KIAA1217: variants seen among roughly 807,000 people sequenced by gnomAD.
KIAA1217 encodes KIAA1217.
Under a neutral mutation model 163.9 loss-of-function variants are expected in KIAA1217, and 88 were observed. The observed-to-expected ratio is 0.54, with a 90% CI of 0.45 to 0.64. The LOEUF (loss-of-function observed/expected upper bound fraction) is 0.64, where lower values mean the gene tolerates loss of function less well. KIAA1217 is among the 30% of genes least tolerant of loss of function. The probability of loss-of-function intolerance (pLI) is 0.00; values close to 1 mark genes in which losing one functional copy is unlikely to be tolerated. For missense variants in KIAA1217, 2,372 were observed against 2,475.0 expected (o/e 0.96, Z 0.88); for synonymous variants, 903 against 923.1 (o/e 0.98, Z 0.39).
At chr10:23,715,352 A>G (rs1167441044) in intron 1 of KIAA1217, among the ~76,000 whole-genome samples, 3 of 152,212 alleles carry the variant, frequency 2.0e-5, no homozygotes, top group African/African-American at 7.2e-5. Flanking sequence ...TGTTAAGCCA[A>G]TGAAGGAAGT....
chr10:24,546,114 C>T lies in KIAA1217; in HGVS notation c.5622C>T (p.His1874=). The change falls in exon 21 of 21, where the codon CAC becomes CAT. Residue 1874 remains histidine, a synonymous_variant. Coordinates refer to ENST00000376454, the MANE Select transcript of KIAA1217 (RefSeq NM_019590.5). ...GCCTCACTCATACAGGTAAAGGTCA[C>T]CATCTTTCATTCTCACCGCAGAGTC... ...FQSLTHTGKG[H]HLSFSPQSQN... 6.2e-7 allele frequency: 1 copy of T among 1,614,212 alleles called. No individual in the cohort carries two copies. Among genetic ancestry groups the T allele is most frequent in the East Asian group, 2.2e-5 (1 of 44,882 alleles).
At chr10:23,949,328 G>C (rs964384691) in intron 1 of KIAA1217, among the ~76,000 whole-genome samples, 1 of 152,140 alleles carries the variant, frequency 6.6e-6, no homozygotes, top group African/African-American at 2.4e-5. Context: ...ATGAGATTTT[G>C]TAAGCCTGAT....
intron 2 of KIAA1217, among the ~76,000 whole-genome samples, chr10:24,098,897 T>C (rs1248456931): frequency 6.6e-6 from 1 of 152,092 alleles, no homozygotes; most frequent in African/African-American, 2.4e-5. Flanking sequence ...GACAGAAAGA[T>C]CGCTTGAGAC....
At chr10:24,423,736 G>C (rs116030978) in intron 3 of KIAA1217, among the ~76,000 whole-genome samples, 1 of 152,110 alleles carries the variant, frequency 6.6e-6, no homozygotes, top group Non-Finnish European at 1.5e-5. Context: ...GGGTTTCACC[G>C]TGTTGCCCAG....
intron 1 of KIAA1217, among the ~76,000 whole-genome samples, chr10:23,867,255 G>A (rs1020808922): frequency 2.0e-5 from 3 of 151,916 alleles, no homozygotes; most frequent in Non-Finnish European, 2.9e-5. Flanking sequence ...TATCATTATT[G>A]GACATTTGGG....
chr10:23,961,123 C>T (rs997496585), intron 1 of KIAA1217, among the ~76,000 whole-genome samples: 11 of 152,082 alleles, frequency 7.2e-5, no homozygotes, highest in African/African-American at 2.2e-4. Context: ...TCTGTAGAGC[C>T]CCATAAAAAT....
intron 1 of KIAA1217, among the ~76,000 whole-genome samples, chr10:23,980,278 T>C (rs980988891): frequency 1.3e-5 from 2 of 152,324 alleles, no homozygotes; most frequent in African/African-American, 4.8e-5. Context: ...CAGGTTTCAA[T>C]GTCAGGAGAT....
At chr10:24,266,697 C>G (rs1006989559) in intron 2 of KIAA1217, among the ~76,000 whole-genome samples, 3 of 152,118 alleles carry the variant, frequency 2.0e-5, no homozygotes, top group African/African-American at 7.2e-5. Flanking sequence ...ACGCACCAAT[C>G]AGCAGGAGTC....
chr10:23,697,303 C>A (rs1238598429), intron 1 of KIAA1217, among the ~76,000 whole-genome samples: 1 of 152,166 alleles, frequency 6.6e-6, no homozygotes, highest in African/African-American at 2.4e-5. Flanking sequence ...TAATATTTTG[C>A]TACTAATGTA....
chr10:24,409,979 CTTTTCT>C (rs1175881599), intron 3 of KIAA1217, among the ~76,000 whole-genome samples: 1 of 147,204 alleles, frequency 6.8e-6, no homozygotes, highest in African/African-American at 2.5e-5. Flanking sequence ...CTTTTCTTTT[CTTTTCT>C]TTTTCTTTTT....
At chr10:23,866,346 G>A (rs1459964411) in intron 1 of KIAA1217, among the ~76,000 whole-genome samples, 1 of 152,176 alleles carries the variant, frequency 6.6e-6, no homozygotes, top group African/African-American at 2.4e-5. Context: ...TGATTCTACA[G>A]TACTGATTCA....
intron 1 of KIAA1217, among the ~76,000 whole-genome samples, chr10:23,839,470 C>T (rs1838664677): frequency 1.3e-5 from 2 of 152,106 alleles, no homozygotes; most frequent in Non-Finnish European, 2.9e-5. Flanking sequence ...GCGAAATCTC[C>T]TTAGTGTCTC....
At chr10:23,994,997 T>TA (rs902212337) in intron 1 of KIAA1217, among the ~76,000 whole-genome samples, 1 of 152,128 alleles carries the variant, frequency 6.6e-6, no homozygotes, top group Non-Finnish European at 1.5e-5. Flanking sequence ...AAATAAAAAT[T>TA]AAAAAAACTT....
chr10:23,738,180 AT>A (rs1408749405), intron 1 of KIAA1217, among the ~76,000 whole-genome samples: 7 of 152,116 alleles, frequency 4.6e-5, no homozygotes, highest in African/African-American at 1.7e-4. Flanking sequence ...TGTTGAAAAA[AT>A]TCTTTAAGTT....
At chr10:23,794,113 C>T (rs185939669) in intron 1 of KIAA1217, among the ~76,000 whole-genome samples, 11 of 152,118 alleles carry the variant, frequency 7.2e-5, no homozygotes, top group African/African-American at 2.4e-4. Context: ...TGCCTTTAAG[C>T]GATTCCTTTC....
At chr10:24,060,784 C>T (rs1441573114) in intron 2 of KIAA1217, among the ~76,000 whole-genome samples, 4 of 152,136 alleles carry the variant, frequency 2.6e-5, no homozygotes, top group Non-Finnish European at 4.4e-5. Flanking sequence ...AAGGATGTCA[C>T]AGCCTTGTCA....
At chr10:24,404,239 C>T (rs1432478646) in intron 3 of KIAA1217, among the ~76,000 whole-genome samples, 1 of 152,152 alleles carries the variant, frequency 6.6e-6, no homozygotes, top group Non-Finnish European at 1.5e-5. Flanking sequence ...GAGATTAAGG[C>T]ATGAGCCACT....
intron 1 of KIAA1217, among the ~76,000 whole-genome samples, chr10:24,218,334 C>A (rs940887663): frequency 1.3e-5 from 2 of 152,094 alleles, no homozygotes; most frequent in Non-Finnish European, 2.9e-5. Context: ...TAGCAGAAAC[C>A]AACTTGTCCC....
intron 5 of KIAA1217, among the ~76,000 whole-genome samples, chr10:24,454,604 G>T (rs759961621): frequency 6.6e-5 from 10 of 152,180 alleles, no homozygotes; most frequent in Non-Finnish European, 1.5e-4. Context: ...ATGAAATGCA[G>T]CACCTCTAAA....
Sources: gnomAD v4.1 joint callset for allele counts (sites outside exome capture counted in the v4.1 genomes callset) on GRCh38, gnomAD v4.1.1 for gene constraint, MANE v1.5 for transcripts, NCBI Gene and HGNC (gene_info 2026-07-23, HGNC 2026-07-21) for gene names.